Variants in CNTNAP2 observed in about 807,000 individuals in gnomAD.
CNTNAP2 encodes contactin associated protein 2.
A neutral mutation model predicts 155.2 loss-of-function variants in CNTNAP2; 98 were observed. The ratio of observed to expected loss-of-function variants is 0.63; its 90% CI spans 0.54 to 0.75. The LOEUF (loss-of-function observed/expected upper bound fraction) is 0.75, where lower values mean the gene tolerates loss of function less well. Among genes scored for constraint, CNTNAP2 ranks in the 30% least tolerant of loss-of-function variants. The probability of loss-of-function intolerance (pLI) is 0.00; values close to 1 mark genes in which losing one functional copy is unlikely to be tolerated. For missense variants in CNTNAP2, 1,727 were observed against 1,688.1 expected (o/e 1.02, Z -0.40); for synonymous variants, 651 against 631.2 (o/e 1.03, Z -0.47).
In CNTNAP2 at chr7:147,123,813, G is replaced by C. The variant is rs954392105; in HGVS notation, c.939+2650G>C. ...CCTAGCACTTTGGGAGGCCAAGGCG[G>C]GTGGTTCACCTGTGCTCAGGAGTTT... On this transcript the variant is annotated intron_variant, in intron 6 of 23. Coordinates refer to ENST00000361727, the MANE Select transcript of CNTNAP2 (RefSeq NM_014141.6). 3.3e-5 allele frequency among the ~76,000 whole-genome samples: 5 copies of C among 152,308 alleles called. No individual in the cohort carries two copies. The South Asian group carries it at 1.0e-3, about 32-fold the overall frequency.
intron 10 of CNTNAP2, among the ~76,000 whole-genome samples, chr7:147,408,631 G>A (rs990377555): frequency 5.3e-5 from 8 of 152,170 alleles, no homozygotes; most frequent in South Asian, 2.1e-4. Context: ...GGTGGCGGGC[G>A]CCTGTAGTCC....
chr7:146,794,984 T>G (rs1256046976), intron 2 of CNTNAP2, among the ~76,000 whole-genome samples: 1 of 152,238 alleles, frequency 6.6e-6, no homozygotes, highest in African/African-American at 2.4e-5. Context: ...CAGCTTCATA[T>G]GCTATAGACA....
intron 1 of CNTNAP2, among the ~76,000 whole-genome samples, chr7:146,314,284 C>G (rs559349199): frequency 9.7e-4 from 147 of 152,292 alleles, no homozygotes; most frequent in African/African-American, 3.4e-3. Flanking sequence ...GTTTGTCCAG[C>G]CTGCTGTCTT....
intron 1 of CNTNAP2, among the ~76,000 whole-genome samples, chr7:146,396,265 CACA>C (rs1197924360): frequency 6.6e-6 from 1 of 152,026 alleles, no homozygotes; most frequent in Non-Finnish European, 1.5e-5. Context: ...TAATTTTACT[CACA>C]ACATTTCAAC....
At chr7:146,482,749 A>C (rs1020399948) in intron 1 of CNTNAP2, among the ~76,000 whole-genome samples, 18 of 151,962 alleles carry the variant, frequency 1.2e-4, no homozygotes, top group Non-Finnish European at 2.2e-4. Flanking sequence ...CAAAAAAAAA[A>C]AATTGTCATA....
chr7:147,863,342 G>T (rs1315035910), intron 13 of CNTNAP2, among the ~76,000 whole-genome samples: 1 of 152,096 alleles, frequency 6.6e-6, no homozygotes, highest in Non-Finnish European at 1.5e-5. Flanking sequence ...ATGGACATTT[G>T]GGTTGGTTCC....
intron 1 of CNTNAP2, among the ~76,000 whole-genome samples, chr7:146,665,155 G>A (rs1800168460): frequency 6.6e-6 from 1 of 152,028 alleles, no homozygotes; most frequent in South Asian, 2.1e-4. Context: ...CACCATGTGG[G>A]CCAGGCTGGT....
In CNTNAP2 at chr7:146,155,760, C is replaced by T. The variant is rs530570508; in HGVS notation, c.97+38787C>T. On this transcript the variant is annotated intron_variant, in intron 1 of 23. Coordinates refer to ENST00000361727, the MANE Select transcript of CNTNAP2 (RefSeq NM_014141.6). ...TGTCGCCCAGGCTGAAGTGCAATGG[C>T]GGGATCTTGGCTCACTACAACCTCC... Among the ~76,000 whole-genome samples, 10 of 151,508 alleles carry T rather than the reference C, an allele frequency of 6.6e-5. No homozygotes were observed. The East Asian group carries it at 1.2e-3, about 18-fold the overall frequency.
At chr7:148,228,929 A>T (rs1295905462) in intron 19 of CNTNAP2, among the ~76,000 whole-genome samples, 1 of 151,572 alleles carries the variant, frequency 6.6e-6, no homozygotes, top group Non-Finnish European at 1.5e-5. Flanking sequence ...ACATCCCTGC[A>T]CTCTGCATTT....
At chr7:146,427,534 G>A (rs1405777101) in intron 1 of CNTNAP2, among the ~76,000 whole-genome samples, 2 of 152,044 alleles carry the variant, frequency 1.3e-5, no homozygotes, top group South Asian at 2.1e-4. Flanking sequence ...TGAGCTTAAG[G>A]ACACTAGAAA....
intron 13 of CNTNAP2, among the ~76,000 whole-genome samples, chr7:147,869,235 G>A (rs1799286970): frequency 6.6e-6 from 1 of 152,242 alleles, no homozygotes; most frequent in East Asian, 1.9e-4. Flanking sequence ...ATATGACACA[G>A]TGCATTATCA....
intron 2 of CNTNAP2, among the ~76,000 whole-genome samples, chr7:146,785,136 A>G (rs1217228945): frequency 6.6e-6 from 1 of 151,434 alleles, no homozygotes; most frequent in African/African-American, 2.4e-5. Flanking sequence ...ATGCCCTGCT[A>G]ATTTTTTTTT....
At chr7:147,428,458 A>C (rs1454137792) in intron 10 of CNTNAP2, among the ~76,000 whole-genome samples, 1 of 152,174 alleles carries the variant, frequency 6.6e-6, no homozygotes, top group African/African-American at 2.4e-5. Flanking sequence ...TAAAATTGGC[A>C]ATACAATTAG....
intron 15 of CNTNAP2, among the ~76,000 whole-genome samples, chr7:148,105,163 A>G (rs1200223819): frequency 5.3e-5 from 8 of 152,220 alleles, no homozygotes; most frequent in Admixed American, 5.2e-4. Flanking sequence ...AAGATATCCT[A>G]GGAGGACAGG....
At chr7:147,407,809 A>C (rs1460807153) in intron 10 of CNTNAP2, among the ~76,000 whole-genome samples, 1 of 152,222 alleles carries the variant, frequency 6.6e-6, no homozygotes, top group African/African-American at 2.4e-5. Context: ...GTTAATGAAA[A>C]CCGCATAAAA....
chr7:147,492,725 G>A (rs896083371), intron 11 of CNTNAP2, among the ~76,000 whole-genome samples: 19 of 152,094 alleles, frequency 1.2e-4, no homozygotes, highest in African/African-American at 3.9e-4. Flanking sequence ...CCTCAAACAC[G>A]CTTGCTGCAT....
intron 14 of CNTNAP2, among the ~76,000 whole-genome samples, chr7:147,973,601 A>G (rs1801374907): frequency 6.6e-6 from 1 of 152,330 alleles, no homozygotes; most frequent in South Asian, 2.1e-4. Flanking sequence ...AACATTGCAG[A>G]TATCTTTGAA....
chr7:146,615,379 A>G (rs1799207915), intron 1 of CNTNAP2, among the ~76,000 whole-genome samples: 2 of 152,230 alleles, frequency 1.3e-5, no homozygotes, highest in Non-Finnish European at 2.9e-5. Context: ...GAATCACTAG[A>G]TTAACCAATG....
chr7:147,603,091 C>T (rs1398413587), intron 12 of CNTNAP2, among the ~76,000 whole-genome samples: 3 of 151,642 alleles, frequency 2.0e-5, no homozygotes, highest in Non-Finnish European at 4.4e-5. Flanking sequence ...AACTAGTTTA[C>T]AGTCCCACCA....
Sources: allele counts gnomAD v4.1 joint callset (sites outside exome capture counted in the v4.1 genomes callset), GRCh38; gene constraint gnomAD v4.1.1; transcripts MANE v1.5; gene names NCBI Gene and HGNC (gene_info 2026-07-23, HGNC 2026-07-21).